Variants in ZNF516 observed in about 807,000 individuals in gnomAD.
ZNF516 encodes zinc finger protein 516.
In ZNF516, 19 loss-of-function variants were observed where a neutral mutation model predicts 79.7. That is an observed-to-expected ratio of 0.24 (90% CI 0.17 to 0.35). The LOEUF (loss-of-function observed/expected upper bound fraction) is 0.35, where lower values mean the gene tolerates loss of function less well. Ranked by LOEUF, ZNF516 falls within the 10% of genes least tolerant of loss-of-function variation. ZNF516 has a pLI of 1.00. For missense variants in ZNF516, 1,678 were observed against 1,679.5 expected (o/e 1.00, Z 0.02); for synonymous variants, 877 against 739.5 (o/e 1.19, Z -3.02).
chr18:76,389,848 G>T (rs1717590565), intron 3 of ZNF516, among the ~76,000 whole-genome samples: 1 of 152,158 alleles, frequency 6.6e-6, no homozygotes, highest in African/African-American at 2.4e-5. Context: ...GGGGGAGATG[G>T]GTGAGTCTGG....
At chr18:76,468,807 C>CT (rs1477499871) in intron 1 of ZNF516, among the ~76,000 whole-genome samples, 1 of 152,168 alleles carries the variant, frequency 6.6e-6, no homozygotes, top group Non-Finnish European at 1.5e-5. Context: ...CCCCTGAAAA[C>CT]TGTCACTTGA....
chr18:76,462,217 C>T (rs1913161688), intron 2 of ZNF516, among the ~76,000 whole-genome samples: 1 of 152,234 alleles, frequency 6.6e-6, no homozygotes, highest in Non-Finnish European at 1.5e-5. Flanking sequence ...GCGGGCAGGA[C>T]TTGCACCAGC....
At position 76,358,195 on chromosome 18, in the gene ZNF516, A is replaced by G. The variant is rs2074482208; in HGVS notation, c.*4303T>C. On this transcript the variant is annotated 3_prime_UTR_variant, in exon 7 of 7. Coordinates refer to ENST00000443185, the MANE Select transcript of ZNF516 (RefSeq NM_014643.4). The stretch of plus-strand genomic sequence containing the variant: ...GGAAAAATGTCTTACAAATCTCAGA[A>G]CTCCAAGATGTTTTTATTTATTTCA... The G allele has an allele frequency of 6.6e-6, 1 of 152,218 alleles. No individual in the cohort carries two copies. The highest frequency in any genetic ancestry group is 1.5e-5 in the Non-Finnish European group (1 of 68,044). 9.4% of individuals were successfully genotyped at this position (152,218 alleles called of 1,614,324 possible).
intron 2 of ZNF516, among the ~76,000 whole-genome samples, chr18:76,455,820 G>A (rs999620847): frequency 1.3e-5 from 2 of 152,180 alleles, no homozygotes; most frequent in Admixed American, 6.5e-5. Context: ...CTGTGGGAGA[G>A]AAAGAAAATG....
At chr18:76,366,941 G>C (rs1329895398) in intron 6 of ZNF516, among the ~76,000 whole-genome samples, 1 of 152,188 alleles carries the variant, frequency 6.6e-6, no homozygotes, top group Non-Finnish European at 1.5e-5. Context: ...TCTCAGAGTA[G>C]AACTGGCTGA....
chr18:76,371,498 G>A lies in ZNF516; in HGVS notation c.3333C>T (p.Gly1111=). ...GTGCCCGCATGTGGGCCCTGAGGTGGCCGGGCTGGTGGAAGCTCTTTCCGC... is the reference window on the plus strand; with the variant it reads ...GTGCCCGCATGTGGGCCCTGAGGTGACCGGGCTGGTGGAAGCTCTTTCCGC... ...IECGKSFHQP[G]HLRAHMRAHS... The change falls in exon 5 of 7, where the codon GGC becomes GGT. Residue 1111 remains glycine, a synonymous_variant. Coordinates refer to ENST00000443185, the MANE Select transcript of ZNF516 (RefSeq NM_014643.4). 6.2e-7 allele frequency: 1 copy of A among 1,609,690 alleles called. No homozygotes were observed.
chr18:76,447,502 C>A (rs1912129801), intron 2 of ZNF516, among the ~76,000 whole-genome samples: 1 of 152,220 alleles, frequency 6.6e-6, no homozygotes, highest in Non-Finnish European at 1.5e-5. Flanking sequence ...GTTGTTCCAA[C>A]TCTCCCTGTA....
Position 76,379,281 on chromosome 18 carries a change from C to T in ZNF516, c.2833G>A (p.Ala945Thr), listed in dbSNP as rs1488842014. Reference protein sequence around the residue: ...VIARAGAQPSANSKPVEKFGV... With the variant: ...VIARAGAQPSTNSKPVEKFGV... ...AACTTCTCCACAGGCTTGCTATTGG[C>T]CGAGGGCTGCGCGCCAGCCCGGGCG... The change falls in exon 4 of 7, where the codon GCC becomes ACC. Residue 945 changes from alanine to threonine, a missense_variant. Coordinates refer to ENST00000443185, the MANE Select transcript of ZNF516 (RefSeq NM_014643.4). 3.1e-6 allele frequency: 5 copies of T among 1,611,288 alleles called. No homozygotes were observed. The highest frequency in any genetic ancestry group is 1.7e-6 in the Non-Finnish European group (2 of 1,178,976).
intron 3 of ZNF516, chr18:76,385,993 T>C (rs1338704222): frequency 6.6e-6 from 1 of 152,302 alleles, no homozygotes; most frequent in East Asian, 1.9e-4. Flanking sequence ...CCATGCTCTC[T>C]CTGCAAGACA....
intron 5 of ZNF516, 21 bp from the exon 6 acceptor site, chr18:76,370,616 T>C: frequency 6.3e-7 from 1 of 1,583,248 alleles, no homozygotes; most frequent in Non-Finnish European, 8.6e-7. Flanking sequence ...AAGGGGTTTG[T>C]TAACAGATCA....
In ZNF516 at chr18:76,447,693, C is replaced by G. The variant is rs75103500; in HGVS notation, c.-157-4482G>C. 4.3e-4 allele frequency among the ~76,000 whole-genome samples: 65 copies of G among 152,314 alleles called. No individual in the cohort carries two copies. The East Asian group carries it at 0.012, about 27-fold the overall frequency. ...CCACGCACCTCGGACGGCAGGGACC[C>G]ATCTGAACACATGGTGTGCCTGTGT... On this transcript the variant is annotated intron_variant, in intron 2 of 6. Coordinates refer to ENST00000443185, the MANE Select transcript of ZNF516 (RefSeq NM_014643.4).
At position 76,442,455 on chromosome 18, in the gene ZNF516, G is replaced by A. The variant is rs1911744290; in HGVS notation, c.600C>T (p.Phe200=). 1 of 1,605,840 alleles carries A rather than the reference G, an allele frequency of 6.2e-7. No homozygotes were observed. Among genetic ancestry groups the A allele is most frequent in the African/African-American group, 1.3e-5 (1 of 75,072 alleles). ...TCGCGTAGCTGCACAGCCTGCACTT[G>A]AACGGCTTGTGCGCCTGGTGCACGT... ...ELHVHQAHKP[F]KCRLCSYATL... Residue 200 remains phenylalanine, a synonymous_variant, in exon 3 of 7, where the codon TTC becomes TTT. Coordinates refer to ENST00000443185, the MANE Select transcript of ZNF516 (RefSeq NM_014643.4).
rs556393743 is a variant in ZNF516 at position 76,473,903 on chromosome 18, T to TGG, written c.-271-10764_-271-10763dup. 1.2e-3 allele frequency among the ~76,000 whole-genome samples: 67 copies of TGG among 54,182 alleles called. 1 individual carries two copies. Among genetic ancestry groups the TGG allele is most frequent in the African/African-American group, 3.7e-3 (41 of 11,136 alleles). 35.5% of individuals were successfully genotyped at this position (54,182 alleles called of 152,430 possible). ...CACTGGGTTGTTGGTTGTTTTTGTG[T>TGG]GGGGGGGGGGGGGGCTTTCTTTTTG... On this transcript the variant is annotated intron_variant, in intron 1 of 6. Transcript: ENST00000443185.
chr18:76,470,502 G>A (rs1038677230), intron 1 of ZNF516, among the ~76,000 whole-genome samples: 1 of 152,130 alleles, frequency 6.6e-6, no homozygotes, highest in Non-Finnish European at 1.5e-5. Context: ...AATGAGCTTT[G>A]GAATGGTCTG....
chr18:76,403,993 G>A (rs1257659416), intron 3 of ZNF516, among the ~76,000 whole-genome samples: 3 of 152,220 alleles, frequency 2.0e-5, no homozygotes, highest in East Asian at 1.9e-4. Flanking sequence ...TGGCCCCCAC[G>A]TGGGTACCAG....
intron 2 of ZNF516, among the ~76,000 whole-genome samples, chr18:76,461,507 T>C (rs1321755110): frequency 6.6e-6 from 1 of 152,192 alleles, no homozygotes; most frequent in East Asian, 1.9e-4. Flanking sequence ...GATCACCCTA[T>C]TTAATGTGGC....
At chr18:76,404,492 T>C (rs1255591084) in intron 3 of ZNF516, among the ~76,000 whole-genome samples, 1 of 151,280 alleles carries the variant, frequency 6.6e-6, no homozygotes, top group Non-Finnish European at 1.5e-5. Flanking sequence ...CATGTAAGCA[T>C]GTGTGCATGT....
intron 3 of ZNF516, among the ~76,000 whole-genome samples, chr18:76,427,189 A>G (rs905146586): frequency 4.6e-5 from 7 of 152,172 alleles, no homozygotes; most frequent in South Asian, 2.1e-4. Context: ...ACATTATTAT[A>G]TATTATTGGT....
intron 1 of ZNF516, chr18:76,490,190 T>C (rs1915083116): frequency 1.0e-6 from 1 of 985,280 alleles, no homozygotes; most frequent in African/African-American, 1.7e-5. Context: ...TGGGGGTCAC[T>C]CCTGTGAAAT....
Sources: allele counts gnomAD v4.1 joint callset (sites outside exome capture counted in the v4.1 genomes callset), GRCh38; gene constraint gnomAD v4.1.1; transcripts MANE v1.5; gene names NCBI Gene and HGNC (gene_info 2026-07-23, HGNC 2026-07-21).